Variants in RIC1 observed in about 807,000 individuals in gnomAD.
The protein encoded by RIC1 is RIC1 partner of RAB6A GEF complex.
Under a neutral mutation model 169.0 loss-of-function variants are expected in RIC1, and 88 were observed. That is an observed-to-expected ratio of 0.52 (90% CI 0.44 to 0.62). The LOEUF is 0.62. RIC1 is among the 20% of genes least tolerant of loss of function. The pLI is 0.00. For synonymous variants in RIC1, 790 were observed against 601.5 expected (o/e 1.31, Z -4.59); for missense variants, 1,877 against 1,725.5 (o/e 1.09, Z -1.56).
At chr9:5,734,382 G>A (rs1037520650) in intron 7 of RIC1, among the ~76,000 whole-genome samples, 31 of 152,064 alleles carry the variant, frequency 2.0e-4, no homozygotes, top group African/African-American at 6.8e-4. Flanking sequence ...GTGATTACAG[G>A]TGTGAGCCAC....
chr9:5,737,205 T>A (rs982318377), intron 7 of RIC1, among the ~76,000 whole-genome samples: 1 of 152,180 alleles, frequency 6.6e-6, no homozygotes, highest in Non-Finnish European at 1.5e-5. Flanking sequence ...TTTTCTGTTA[T>A]CCTCGTAGTT....
chr9:5,765,592 C>A lies in RIC1; in HGVS notation c.3000+20C>A. 1 of 1,613,980 alleles carries A rather than the reference C, an allele frequency of 6.2e-7. No individual in the cohort carries two copies. The stretch of plus-strand genomic sequence containing the variant: ...GCTCAGGTTAGTTGCAAAAGTTACA[C>A]ATCTTCTCTAGGCCATACACCCACG... On this transcript the variant is annotated intron_variant, in intron 20 of 25. Coordinates refer to ENST00000414202, the MANE Select transcript of RIC1 (RefSeq NM_020829.4).
intron 7 of RIC1, among the ~76,000 whole-genome samples, chr9:5,733,889 C>G (rs1031880544): frequency 6.6e-5 from 10 of 151,428 alleles, no homozygotes; most frequent in Admixed American, 1.3e-4. Flanking sequence ...GAGAATCCCT[C>G]CCTTCTTTGT....
intron 3 of RIC1, among the ~76,000 whole-genome samples, chr9:5,702,368 C>T (rs1404284078): frequency 6.6e-6 from 1 of 152,114 alleles, no homozygotes; most frequent in Non-Finnish European, 1.5e-5. Flanking sequence ...CACAGTTCCG[C>T]AGGCTATACA....
At chr9:5,727,126 C>T (rs775380251) in intron 6 of RIC1, among the ~76,000 whole-genome samples, 2 of 152,204 alleles carry the variant, frequency 1.3e-5, no homozygotes, top group African/African-American at 2.4e-5. Flanking sequence ...GGAAGTTCTC[C>T]TGGATAACAT....
intron 2 of RIC1, among the ~76,000 whole-genome samples, chr9:5,657,860 T>C (rs1272055926): frequency 1.3e-5 from 2 of 152,138 alleles, no homozygotes; most frequent in Non-Finnish European, 2.9e-5. Context: ...AGAAGAATAT[T>C]TGCTACAGTT....
chr9:5,689,973 C>T lies in RIC1; in HGVS notation c.267C>T (p.Tyr89=), dbSNP rs764253611. Residue 89 remains tyrosine (Y), a synonymous_variant, in exon 3 of 26, where the codon TAC becomes TAT. Coordinates refer to ENST00000414202, the MANE Select transcript of RIC1 (RefSeq NM_020829.4). The stretch of plus-strand genomic sequence containing the variant: ...TTCTCTTTCAGACGGCAAATGGATA[C>T]ATCTTGTTTTTTCATATTACATCTA... ...TMIAVSTANG[Y]ILFFHITSTR... 6.2e-7 allele frequency: 1 copy of T among 1,600,586 alleles called. No individual in the cohort carries two copies. The highest frequency in any genetic ancestry group is 2.3e-5 in the East Asian group (1 of 44,368).
At chr9:5,717,802 A>T (rs1009158471) in intron 4 of RIC1, among the ~76,000 whole-genome samples, 1 of 151,134 alleles carries the variant, frequency 6.6e-6, no homozygotes, top group Non-Finnish European at 1.5e-5. Flanking sequence ...GCGCCACTGC[A>T]CTCTAGCCTG....
chr9:5,741,780 C>A (rs576709512), intron 8 of RIC1, among the ~76,000 whole-genome samples: 11 of 152,212 alleles, frequency 7.2e-5, no homozygotes, highest in Non-Finnish European at 1.3e-4. Flanking sequence ...TCTGTTTCTG[C>A]CATGTCTTGA....
intron 2 of RIC1, among the ~76,000 whole-genome samples, chr9:5,657,111 C>T (rs1819148525): frequency 6.6e-6 from 1 of 152,094 alleles, no homozygotes; most frequent in Non-Finnish European, 1.5e-5. Flanking sequence ...TCCTTGAAGT[C>T]TTATCTAGTT....
intron 19 of RIC1, among the ~76,000 whole-genome samples, chr9:5,764,078 C>A (rs186748565): frequency 1.3e-5 from 2 of 151,862 alleles, no homozygotes; most frequent in Admixed American, 6.6e-5. Context: ...CATAAATAGG[C>A]CTAAAACAGA....
At chr9:5,715,740 T>G (rs1823195235) in intron 4 of RIC1, among the ~76,000 whole-genome samples, 1 of 152,100 alleles carries the variant, frequency 6.6e-6, no homozygotes, top group Admixed American at 6.5e-5. Context: ...TAATTGAGGA[T>G]AGAGAATGTT....
chr9:5,752,591 C>T (rs1411333258), intron 12 of RIC1, among the ~76,000 whole-genome samples: 1 of 151,972 alleles, frequency 6.6e-6, no homozygotes, highest in African/African-American at 2.4e-5. Flanking sequence ...CAGGCATGCA[C>T]CATCATGCAC....
rs1483968058 is a variant in RIC1, at chr9:5,727,708, C to T, written c.721-4680C>T. 2.6e-5 allele frequency among the ~76,000 whole-genome samples: 4 copies of T among 152,300 alleles called. No individual in the cohort carries two copies. In the East Asian group the frequency reaches 5.8e-4, roughly 22 times the overall value. On this transcript the variant is annotated intron_variant, in intron 6 of 25. Coordinates refer to ENST00000414202, the MANE Select transcript of RIC1 (RefSeq NM_020829.4). Reference sequence around the variant, plus strand: ...TTTAGTCTTTGATGATGCTGACATACATATGGGGTTTTGGTGTGGATGTCC... The same window carrying T: ...TTTAGTCTTTGATGATGCTGACATATATATGGGGTTTTGGTGTGGATGTCC...
intron 2 of RIC1, among the ~76,000 whole-genome samples, chr9:5,683,739 C>T (rs920513335): frequency 6.6e-6 from 1 of 152,228 alleles, no homozygotes; most frequent in Non-Finnish European, 1.5e-5. Context: ...GCCCTGCCCC[C>T]AGAGGTGGAG....
At position 5,717,259 on chromosome 9, in the gene RIC1, G is replaced by A. The variant is rs1169581950; in HGVS notation, c.441-2923G>A. ...CTTAATTTTGTCAGACGATTGTTGAGTTTTGTCTAGCAGGTAGTCAGATTA... is the reference window on the plus strand; with the variant it reads ...CTTAATTTTGTCAGACGATTGTTGAATTTTGTCTAGCAGGTAGTCAGATTA... On this transcript the variant is annotated intron_variant, in intron 4 of 25. Transcript: ENST00000414202. 2.6e-5 allele frequency among the ~76,000 whole-genome samples: 4 copies of A among 152,092 alleles called. No homozygotes were observed. In the South Asian group the frequency reaches 6.2e-4, roughly 24 times the overall value.
At chr9:5,729,169 C>T (rs1824199461) in intron 6 of RIC1, among the ~76,000 whole-genome samples, 3 of 152,122 alleles carry the variant, frequency 2.0e-5, no homozygotes. Context: ...AGATGTGAAC[C>T]TTTATTTTCT....
chr9:5,662,122 A>G (rs920706898), intron 2 of RIC1, among the ~76,000 whole-genome samples: 2 of 152,146 alleles, frequency 1.3e-5, no homozygotes, highest in Admixed American at 6.5e-5. Context: ...TGTTTATGTG[A>G]TGAATCACAT....
intron 2 of RIC1, among the ~76,000 whole-genome samples, chr9:5,674,823 A>G (rs746030885): frequency 2.2e-4 from 33 of 152,224 alleles, no homozygotes; most frequent in Non-Finnish European, 8.8e-5. Context: ...AGAAAGGCAC[A>G]GATCACAGAC....
Sources: allele counts gnomAD v4.1 joint callset (sites outside exome capture counted in the v4.1 genomes callset), GRCh38; gene constraint gnomAD v4.1.1; transcripts MANE v1.5; gene names NCBI Gene and HGNC (gene_info 2026-07-23, HGNC 2026-07-21).